Variants in LIFR observed in about 807,000 individuals in gnomAD.
LIFR encodes LIF receptor subunit alpha.
A neutral mutation model predicts 122.2 loss-of-function variants in LIFR; 84 were observed. The observed-to-expected ratio is 0.69, with a 90% CI of 0.58 to 0.82. LIFR has a LOEUF of 0.82. Among genes scored for constraint, LIFR ranks in the 40% least tolerant of loss-of-function variants. The probability of loss-of-function intolerance (pLI) is 0.00; values close to 1 mark genes in which losing one functional copy is unlikely to be tolerated. For synonymous variants in LIFR, 422 were observed against 434.7 expected, an observed-to-expected ratio of 0.97 and a Z score of 0.36; for missense variants, 1,294 against 1,311.6, an observed-to-expected ratio of 0.99 and a Z score of 0.21.
chr5:38,521,254 T>C (rs1746382284), intron 5 of LIFR, among the ~76,000 whole-genome samples: 1 of 152,216 alleles, frequency 6.6e-6, no homozygotes, highest in South Asian at 2.1e-4. Flanking sequence ...GAAACACTTC[T>C]CATTTTTCTA....
intron 1 of LIFR, among the ~76,000 whole-genome samples, chr5:38,574,188 A>G (rs2112722638): frequency 6.6e-6 from 1 of 151,934 alleles, no homozygotes; most frequent in South Asian, 2.1e-4. Flanking sequence ...CTGCCACTGC[A>G]TCTGGTCTTC....
chr5:38,578,162 A>G (rs992640150), intron 1 of LIFR, among the ~76,000 whole-genome samples: 3 of 151,702 alleles, frequency 2.0e-5, no homozygotes, highest in African/African-American at 4.8e-5. Context: ...TGAGCCTGAG[A>G]ATATTCTTTT....
chr5:38,575,447 T>A (rs1749353321), intron 1 of LIFR, among the ~76,000 whole-genome samples: 1 of 152,258 alleles, frequency 6.6e-6, no homozygotes, highest in Non-Finnish European at 1.5e-5. Context: ...TCTGATTACT[T>A]CAATTTACGG....
intron 10 of LIFR, among the ~76,000 whole-genome samples, chr5:38,503,200 T>G (rs1319622441): frequency 6.6e-6 from 1 of 152,176 alleles, no homozygotes; most frequent in Non-Finnish European, 1.5e-5. Flanking sequence ...AATGTATTAT[T>G]TGGATGATAT....
At chr5:38,525,699 G>C (rs1246836330) in intron 4 of LIFR, among the ~76,000 whole-genome samples, 1 of 152,124 alleles carries the variant, frequency 6.6e-6, no homozygotes, top group Non-Finnish European at 1.5e-5. Flanking sequence ...TTGTGGAAAA[G>C]GAAAAATGCA....
At chr5:38,605,434 G>C (rs1750308526) in intron 2 of LIFR, among the ~76,000 whole-genome samples, 2 of 152,064 alleles carry the variant, frequency 1.3e-5, no homozygotes, top group South Asian at 2.1e-4. Context: ...AATGGGGGGT[G>C]ATAATCACAG....
rs1337016945 is a variant in LIFR, at chr5:38,479,615, G to A, written c.*1980C>T. On this transcript the variant is annotated 3_prime_UTR_variant, in exon 20 of 20. Coordinates refer to ENST00000453190, the MANE Select transcript of LIFR (RefSeq NM_001127671.2). Reference sequence around the variant, plus strand: ...TTTTACTGTAGCCACACTTATCCTTGTCCTGGAGAGATAAAGTACGGGATT... The same window carrying A: ...TTTTACTGTAGCCACACTTATCCTTATCCTGGAGAGATAAAGTACGGGATT... 5 of 229,674 alleles carry A rather than the reference G, an allele frequency of 2.2e-5. No homozygotes were observed. Among genetic ancestry groups the A allele is most frequent in the Non-Finnish European group, 4.3e-5 (5 of 115,896 alleles). The allele number at this position is 229,674 out of a possible 1,614,324, so 14.2% of individuals were successfully genotyped here.
rs1743811864 is a variant in LIFR at position 38,478,173 on chromosome 5, A to T, written c.*3422T>A. 4.8e-6 allele frequency: 1 copy of T among 208,472 alleles called. No individual in the cohort carries two copies. The highest frequency in any genetic ancestry group is 9.8e-6 in the Non-Finnish European group (1 of 102,440). The allele number at this position is 208,472 out of a possible 1,614,324, so 12.9% of individuals were successfully genotyped here. On this transcript the variant is annotated 3_prime_UTR_variant, in exon 20 of 20. Transcript: ENST00000453190. Reference sequence around the variant, plus strand: ...ATGTTTGTTAAATATGGACGGCATGAAGACAATTAAGAAACTATAGGACTT... The same window carrying T: ...ATGTTTGTTAAATATGGACGGCATGTAGACAATTAAGAAACTATAGGACTT...
At chr5:38,580,755 C>T (rs1419502428) in intron 1 of LIFR, among the ~76,000 whole-genome samples, 3 of 152,194 alleles carry the variant, frequency 2.0e-5, no homozygotes, top group Non-Finnish European at 4.4e-5. Context: ...AATTGAGCCT[C>T]TTCAGTAAAG....
chr5:38,507,930 TAAGTA>T (rs956353901), intron 7 of LIFR, among the ~76,000 whole-genome samples: 1 of 152,154 alleles, frequency 6.6e-6, no homozygotes, highest in African/African-American at 2.4e-5. Flanking sequence ...AACAATTAGA[TAAGTA>T]AACAAACATT....
intron 1 of LIFR, chr5:38,579,207 G>A (rs765656879): frequency 9.9e-5 from 15 of 152,152 alleles, no homozygotes; most frequent in Admixed American, 2.0e-4. Flanking sequence ...TTGTAGCAAA[G>A]GATACAAAGA....
At chr5:38,493,464 G>T in intron 14 of LIFR, 142 bp downstream of exon 14, 1 of 745,382 alleles carries the variant, frequency 1.3e-6, no homozygotes. Flanking sequence ...TCCATGTGCT[G>T]CCACAACTAC....
intron 1 of LIFR, among the ~76,000 whole-genome samples, chr5:38,566,867 AAAAAG>A (rs1466508916): frequency 6.6e-6 from 1 of 152,226 alleles, no homozygotes; most frequent in East Asian, 1.9e-4. Flanking sequence ...AATTCTAAAA[AAAAAG>A]AAGAAAATCC....
chr5:38,543,933 C>T (rs1007059743), intron 1 of LIFR, among the ~76,000 whole-genome samples: 1 of 151,992 alleles, frequency 6.6e-6, no homozygotes, highest in African/African-American at 2.4e-5. Context: ...TGATTCATAA[C>T]CCTCCTAAAT....
chr5:38,539,596 C>T (rs1158196243), intron 1 of LIFR, among the ~76,000 whole-genome samples: 2 of 152,044 alleles, frequency 1.3e-5, no homozygotes, highest in Non-Finnish European at 2.9e-5. Context: ...AAACTTTATG[C>T]TTTTCAATGA....
At chr5:38,525,670 G>A (rs1483544923) in intron 4 of LIFR, among the ~76,000 whole-genome samples, 1 of 152,148 alleles carries the variant, frequency 6.6e-6, no homozygotes, top group Non-Finnish European at 1.5e-5. Context: ...TTAAAAAGAA[G>A]TTTTAAGTGG....
chr5:38,604,169 A>G (rs567908653), intron 2 of LIFR, among the ~76,000 whole-genome samples: 1 of 152,322 alleles, frequency 6.6e-6, no homozygotes, highest in South Asian at 2.1e-4. Context: ...GCTCATGTGG[A>G]GCATTTTCTG....
chr5:38,575,125 AAACTT>A (rs1561220511), intron 1 of LIFR, among the ~76,000 whole-genome samples: 6 of 152,244 alleles, frequency 3.9e-5, no homozygotes, highest in Admixed American at 3.3e-4. Flanking sequence ...TAAATGGTCT[AAACTT>A]AACAACACAG....
Position 38,475,157 on chromosome 5 carries a change from C to T in LIFR, c.*6438G>A, listed in dbSNP as rs1743669449. 2 of 182,750 alleles carry T rather than the reference C, an allele frequency of 1.1e-5. No individual in the cohort carries two copies. The highest frequency in any genetic ancestry group is 1.8e-4 in the East Asian group (2 of 11,072). 11.3% of individuals were successfully genotyped at this position (182,750 alleles called of 1,614,324 possible). ...CTATAATCATGTTTTCCAAAAGATACAGAAACTAAATTCTGAAATTATACA... is the reference window on the plus strand; with the variant it reads ...CTATAATCATGTTTTCCAAAAGATATAGAAACTAAATTCTGAAATTATACA... On this transcript the variant is annotated 3_prime_UTR_variant, in exon 20 of 20. Transcript: ENST00000453190.
Sources: allele counts gnomAD v4.1 joint callset (sites outside exome capture counted in the v4.1 genomes callset), GRCh38; gene constraint gnomAD v4.1.1; transcripts MANE v1.5; gene names NCBI Gene and HGNC (gene_info 2026-07-23, HGNC 2026-07-21).